Variants in NOP58 observed in about 807,000 individuals in gnomAD.
NOP58 encodes NOP58 ribonucleoprotein.
Under a neutral mutation model 71.2 loss-of-function variants are expected in NOP58, and 44 were observed. The ratio of observed to expected loss-of-function variants is 0.62; its 90% CI spans 0.49 to 0.79. The LOEUF is 0.79. Among genes scored for constraint, NOP58 ranks in the 30% least tolerant of loss-of-function variants. The pLI, the probability that NOP58 is intolerant of heterozygous loss-of-function variation, is 0.00. For missense variants in NOP58, 538 were observed against 620.2 expected (o/e 0.87, Z 1.41); for synonymous variants, 228 against 200.3 (o/e 1.14, Z -1.17).
At chr2:202,268,548 TA>T (rs1302964612) in intron 1 of NOP58, among the ~76,000 whole-genome samples, 2 of 150,758 alleles carry the variant, frequency 1.3e-5, no homozygotes, top group Non-Finnish European at 2.9e-5. Context: ...AAAAAAAAAT[TA>T]TATTGGATGC....
chr2:202,270,187 A>C (rs1000656927), intron 1 of NOP58, among the ~76,000 whole-genome samples: 1 of 152,224 alleles, frequency 6.6e-6, no homozygotes, highest in African/African-American at 2.4e-5. Context: ...TTTTCAAGTT[A>C]GTCCTGCTCT....
At chr2:202,298,372 C>T (rs776035872) in intron 12 of NOP58, among the ~76,000 whole-genome samples, 17 of 152,188 alleles carry the variant, frequency 1.1e-4, no homozygotes, top group South Asian at 8.3e-4. Flanking sequence ...TTCACTCAGC[C>T]GGGCACAGTG....
In NOP58 at chr2:202,285,341, ATTTTTT is replaced by A. The variant is rs932875625; in HGVS notation, c.434+880_434+885del. 9.8e-5 allele frequency among the ~76,000 whole-genome samples: 8 copies of A among 81,256 alleles called. No homozygotes were observed. The South Asian group carries it at 2.1e-3, about 21-fold the overall frequency. 53.3% of individuals were successfully genotyped at this position (81,256 alleles called of 152,430 possible). A position where few individuals can be genotyped will look rare whatever the true frequency, so the allele number is the denominator to read the frequency against. On this transcript the variant is annotated intron_variant, in intron 5 of 14. Coordinates refer to ENST00000264279, the MANE Select transcript of NOP58 (RefSeq NM_015934.5). Reference sequence around the variant, plus strand: ...ATAGGCATGAGCCACCACACCCGGCATTTTTTTTTTTTTTTTTTTTTTTTTGAGTCA... The same window carrying A: ...ATAGGCATGAGCCACCACACCCGGCATTTTTTTTTTTTTTTTTTTGAGTCA...
chr2:202,291,617 C>G (rs1184464223), intron 8 of NOP58, among the ~76,000 whole-genome samples: 1 of 151,864 alleles, frequency 6.6e-6, no homozygotes, highest in Non-Finnish European at 1.5e-5. Context: ...ACCAGCCTGA[C>G]CAATATGATG....
At chr2:202,282,785 G>C (rs1054670287) in intron 4 of NOP58, among the ~76,000 whole-genome samples, 1 of 151,944 alleles carries the variant, frequency 6.6e-6, no homozygotes, top group Non-Finnish European at 1.5e-5. Flanking sequence ...TTTTTCCAAC[G>C]AAAATGGGGT....
chr2:202,302,542 C>T (rs1689112653), intron 13 of NOP58, among the ~76,000 whole-genome samples: 1 of 152,174 alleles, frequency 6.6e-6, no homozygotes, highest in Non-Finnish European at 1.5e-5. Context: ...GGGAGCTTCA[C>T]CAAGGGTAAA....
chr2:202,296,124 A>G (rs1688989037), intron 10 of NOP58, among the ~76,000 whole-genome samples: 2 of 149,608 alleles, frequency 1.3e-5, no homozygotes, highest in South Asian at 4.2e-4. Flanking sequence ...CTCTGGCAGC[A>G]AAAAAAAAAT....
At chr2:202,291,973 T>TC in intron 8 of NOP58, among the ~76,000 whole-genome samples, 1 of 59,900 alleles carries the variant, frequency 1.7e-5, no homozygotes, top group Admixed American at 1.8e-4. Flanking sequence ...AGAATCTTTT[T>TC]TTTTTTTTTT....
At chr2:202,268,042 G>T (rs1688446549) in intron 1 of NOP58, among the ~76,000 whole-genome samples, 1 of 152,108 alleles carries the variant, frequency 6.6e-6, no homozygotes, top group Non-Finnish European at 1.5e-5. Context: ...ACATACAAAC[G>T]TTCTGGAACT....
chr2:202,299,201 G>T (rs940424299), intron 12 of NOP58, among the ~76,000 whole-genome samples: 2 of 151,898 alleles, frequency 1.3e-5, no homozygotes, highest in Non-Finnish European at 2.9e-5. Flanking sequence ...CTCGTGATCC[G>T]CCCGCCTTGG....
intron 5 of NOP58, among the ~76,000 whole-genome samples, chr2:202,287,270 T>C (rs1688803913): frequency 6.6e-6 from 1 of 152,136 alleles, no homozygotes. Flanking sequence ...GGTTTCGCCA[T>C]GTTGGCCAGG....
chr2:202,278,053 CG>C (rs767691572), intron 3 of NOP58, 51 bp downstream of exon 3: 1 of 1,137,220 alleles, frequency 8.8e-7, no homozygotes, highest in South Asian at 1.3e-5. Flanking sequence ...AAGTCTTAGC[CG>C]TTTGTTTTTC....
chr2:202,273,694 A>G (rs911033415), intron 1 of NOP58, among the ~76,000 whole-genome samples: 10 of 152,152 alleles, frequency 6.6e-5, no homozygotes, highest in African/African-American at 9.7e-5. Flanking sequence ...TGTAATCCCA[A>G]CGCTTTGGGA....
chr2:202,292,677 A>G, intron 8 of NOP58, 100 bp from the exon 9 acceptor site: 1 of 902,582 alleles, frequency 1.1e-6, no homozygotes, highest in Non-Finnish European at 1.8e-6. Context: ...AGGGTTGTGT[A>G]GCTGCTCTTT....
At chr2:202,282,846 A>G (rs890812123) in intron 4 of NOP58, among the ~76,000 whole-genome samples, 1 of 152,118 alleles carries the variant, frequency 6.6e-6, no homozygotes, top group Non-Finnish European at 1.5e-5. Context: ...GTAGGGGTGT[A>G]TTGCTGGAGA....
rs376740362 is a variant in NOP58 at position 202,290,305 on chromosome 2, G to A, written c.500-18G>A. 1.9e-6 allele frequency: 3 copies of A among 1,571,676 alleles called. No individual in the cohort carries two copies. Among genetic ancestry groups the A allele is most frequent in the African/African-American group, 1.4e-5 (1 of 72,654 alleles). On this transcript the variant is annotated intron_variant, in intron 6 of 14. Coordinates refer to ENST00000264279, the MANE Select transcript of NOP58 (RefSeq NM_015934.5). ...AAATCCCTTTAAGTTTTGTTTGTTTGTTTTTAATCTACTACAGCCTTGTTA... is the reference window on the plus strand; with the variant it reads ...AAATCCCTTTAAGTTTTGTTTGTTTATTTTTAATCTACTACAGCCTTGTTA...
At position 202,290,224 on chromosome 2, in the gene NOP58, G is replaced by C. The variant is rs1688862469; in HGVS notation, c.500-99G>C. On this transcript the variant is annotated intron_variant, in intron 6 of 14. Transcript: ENST00000264279. The stretch of plus-strand genomic sequence containing the variant: ...CTGTCTGCTGGGATTACAGACATGA[G>C]CCACCGTGCCCAGCCTGAAGTGTTA... 5 of 932,140 alleles carry C rather than the reference G, an allele frequency of 5.4e-6. No individual in the cohort carries two copies. The South Asian group carries it at 7.0e-5, about 13-fold the overall frequency. 57.7% of individuals were successfully genotyped at this position (932,140 alleles called of 1,614,324 possible). A position where few individuals can be genotyped will look rare whatever the true frequency, so the allele number is the denominator to read the frequency against.
intron 9 of NOP58, among the ~76,000 whole-genome samples, chr2:202,294,330 C>CG (rs1688953054): frequency 7.3e-6 from 1 of 137,006 alleles, no homozygotes; most frequent in Non-Finnish European, 1.6e-5. Flanking sequence ...GAGTGAAACT[C>CG]CATCTCAAAA....
At chr2:202,281,459 G>C (rs1688702954) in intron 3 of NOP58, among the ~76,000 whole-genome samples, 1 of 151,888 alleles carries the variant, frequency 6.6e-6, no homozygotes, top group East Asian at 1.9e-4. Flanking sequence ...TTTTTGTTTT[G>C]TTGAGACAGG....
Sources: gnomAD v4.1 joint callset for allele counts (sites outside exome capture counted in the v4.1 genomes callset) on GRCh38, gnomAD v4.1.1 for gene constraint, MANE v1.5 for transcripts, NCBI Gene and HGNC (gene_info 2026-07-23, HGNC 2026-07-21) for gene names.